ATP11C: variants seen among roughly 807,000 people sequenced by gnomAD.
ATP11C encodes the protein phospholipid-transporting ATPase IG.
ATP11C carries 36 observed loss-of-function variants against 97.4 expected under a neutral mutation model. The observed-to-expected ratio is 0.37, with a 90% CI of 0.28 to 0.49. The LOEUF is 0.49. Among genes scored for constraint, ATP11C ranks in the 20% least tolerant of loss-of-function variants. The pLI, the probability that ATP11C is intolerant of heterozygous loss-of-function variation, is 0.98. For missense variants in ATP11C, 730 were observed against 824.6 expected, an observed-to-expected ratio of 0.89 and a Z score of 1.40; for synonymous variants, 275 against 290.9, an observed-to-expected ratio of 0.95 and a Z score of 0.56.
intron 1 of ATP11C, among the ~76,000 whole-genome samples, chrX:139,882,285 A>G (rs1025539204): frequency 1.8e-5 from 2 of 112,075 alleles, no homozygotes; most frequent in African/African-American, 6.5e-5. Flanking sequence ...TTTTGGAAGA[A>G]AAAACATTTA....
chrX:139,874,449 A>T (rs1025697647), intron 1 of ATP11C, among the ~76,000 whole-genome samples: 1 of 110,820 alleles, frequency 9.0e-6, no homozygotes, highest in East Asian at 2.8e-4. Context: ...AATAAACGTT[A>T]GCTATTATTA....
intron 20 of ATP11C, among the ~76,000 whole-genome samples, chrX:139,765,971 A>G (rs1211246392): frequency 8.9e-6 from 1 of 112,314 alleles, no homozygotes; most frequent in Admixed American, 9.4e-5. Flanking sequence ...AAGGCAACAC[A>G]GGTTTCAAGG....
chrX:139,741,936 T>C (rs2081564052), intron 26 of ATP11C, among the ~76,000 whole-genome samples: 1 of 112,010 alleles, frequency 8.9e-6, no homozygotes, highest in African/African-American at 3.2e-5. Context: ...CTCTCTGTTA[T>C]AGTTTCTCAT....
At chrX:139,775,955 A>T (rs1242651414) in intron 18 of ATP11C, among the ~76,000 whole-genome samples, 1 of 112,762 alleles carries the variant, frequency 8.9e-6, no homozygotes, top group African/African-American at 3.2e-5. Context: ...GCTCATGGGG[A>T]TCAGTGAGTC....
At chrX:139,896,546 T>TACACACACACAC (rs61153084) in intron 1 of ATP11C, among the ~76,000 whole-genome samples, 3 of 79,809 alleles carry the variant, frequency 3.8e-5, no homozygotes, top group East Asian at 4.4e-4. Context: ...GTTAATTTTA[T>TACACACACACAC]ACACACACAC....
At chrX:139,819,064 G>A (rs780488380) in intron 3 of ATP11C, among the ~76,000 whole-genome samples, 27 of 111,639 alleles carry the variant, frequency 2.4e-4, no homozygotes, top group African/African-American at 8.1e-4. Flanking sequence ...CACAATACAC[G>A]TCATCCTGGG....
chrX:139,889,870 G>A (rs370457525), intron 1 of ATP11C, among the ~76,000 whole-genome samples: 2 of 111,859 alleles, frequency 1.8e-5, no homozygotes, highest in African/African-American at 6.5e-5. Context: ...ATTCAAAACA[G>A]GCTGACAACA....
Position 139,932,162 on chromosome X carries a change from C to T in ATP11C, c.-120G>A. The T allele has an allele frequency of 1.6e-6, 1 of 628,604 alleles. No individual in the cohort carries two copies. The highest frequency in any genetic ancestry group is 2.0e-6 in the Non-Finnish European group (1 of 492,768). 51.8% of individuals were successfully genotyped at this position (628,604 alleles called of 1,213,427 possible). On this transcript the variant is annotated 5_prime_UTR_variant, in exon 1 of 30. Coordinates refer to ENST00000682941, the MANE Select transcript of ATP11C (RefSeq NM_001353812.2). Reference sequence around the variant, plus strand: ...CAAGCGGAGCAGCGAGGCGGGCGGCCGGGCCACCCGCTCGCCGCCTGCCCC... The same window carrying T: ...CAAGCGGAGCAGCGAGGCGGGCGGCTGGGCCACCCGCTCGCCGCCTGCCCC...
intron 24 of ATP11C, among the ~76,000 whole-genome samples, 188 bp from the exon 25 acceptor site, chrX:139,746,045 C>A (rs970948234): frequency 2.7e-5 from 3 of 112,006 alleles, no homozygotes; most frequent in Non-Finnish European, 5.6e-5. Context: ...TCTCCTGACT[C>A]AGCCACTGGA....
Position 139,814,986 on chromosome X carries a change from C to A in ATP11C, c.319-1G>T. 9.5e-7 allele frequency: 1 copy of A among 1,052,574 alleles called. No individual in the cohort carries two copies. Among genetic ancestry groups the A allele is most frequent in the Non-Finnish European group, 1.3e-6 (1 of 774,893 alleles). The allele number at this position is 1,052,574 out of a possible 1,213,427, so 86.7% of individuals were successfully genotyped here. A position where few individuals can be genotyped will look rare whatever the true frequency, so the allele number is the denominator to read the frequency against. ...TGTGTCTCAGACAATCCTCATATCC[C>A]TGAAAGATAAAAATAACTATATAAT... On this transcript the variant is annotated splice_acceptor_variant, in intron 4 of 29. Coordinates refer to ENST00000682941, the MANE Select transcript of ATP11C (RefSeq NM_001353812.2). LOFTEE classifies it high-confidence loss of function.
intron 1 of ATP11C, among the ~76,000 whole-genome samples, chrX:139,833,520 C>T (rs2083694749): frequency 3.7e-5 from 4 of 109,359 alleles, no homozygotes; most frequent in South Asian, 4.0e-4. Flanking sequence ...CCTGTCTCTA[C>T]GAAAAAAAAA....
intron 1 of ATP11C, among the ~76,000 whole-genome samples, chrX:139,878,058 T>TA (rs927291638): frequency 1.5e-4 from 17 of 111,124 alleles, no homozygotes; most frequent in African/African-American, 5.2e-4. Flanking sequence ...AAATAATGGC[T>TA]AAAAAAAATG....
upstream of ATP11C, among the ~76,000 whole-genome samples, chrX:139,934,793 C>T (rs2085508466): frequency 9.0e-6 from 1 of 111,011 alleles, no homozygotes; most frequent in Non-Finnish European, 1.9e-5. Flanking sequence ...AGGTGATCCA[C>T]CCGCCTCGGC....
chrX:139,859,617 C>T (rs1462482908), intron 1 of ATP11C, among the ~76,000 whole-genome samples: 3 of 112,008 alleles, frequency 2.7e-5, no homozygotes, highest in Admixed American at 9.5e-5. Flanking sequence ...AGAAGGCAGA[C>T]ATATTCAACC....
chrX:139,796,217 C>T, intron 12 of ATP11C, 56 bp downstream of exon 12: 2 of 956,356 alleles, frequency 2.1e-6, no homozygotes, highest in Non-Finnish European at 1.4e-6. Flanking sequence ...CCAGACTACA[C>T]AAAAAGATAT....
chrX:139,932,213 C>A lies in ATP11C; in HGVS notation c.-171G>T. On this transcript the variant is annotated 5_prime_UTR_variant, in exon 1 of 30. Transcript: ENST00000682941. ...CCTCGGCTCTCCGCGCTCCCCCGCC[C>A]CCCAGCCGCCCGCAGCCTAGCCGCC... 1 of 224,111 alleles carries A rather than the reference C, an allele frequency of 4.5e-6. No individual in the cohort carries two copies. The highest frequency in any genetic ancestry group is 6.5e-6 in the Non-Finnish European group (1 of 152,928). The allele number at this position is 224,111 out of a possible 1,213,427, so 18.5% of individuals were successfully genotyped here.
intron 24 of ATP11C, among the ~76,000 whole-genome samples, chrX:139,749,386 A>T (rs745852952): frequency 8.9e-6 from 1 of 112,190 alleles, no homozygotes; most frequent in Admixed American, 9.4e-5. Context: ...AATGCTTACA[A>T]TCTGCTATAA....
At chrX:139,753,875 A>C (rs1320713527) in intron 23 of ATP11C, among the ~76,000 whole-genome samples, 1 of 111,004 alleles carries the variant, frequency 9.0e-6, no homozygotes, top group Non-Finnish European at 1.9e-5. Flanking sequence ...AGAAGTTAGA[A>C]AGAGGTCAAA....
upstream of ATP11C, among the ~76,000 whole-genome samples, chrX:139,933,428 C>T (rs1042387448): frequency 8.9e-6 from 1 of 112,215 alleles, no homozygotes; most frequent in African/African-American, 3.2e-5. Flanking sequence ...CCTCTACACC[C>T]TCGGCCCCCA....
Sources: allele counts gnomAD v4.1 joint callset (sites outside exome capture counted in the v4.1 genomes callset), GRCh38; gene constraint gnomAD v4.1.1; transcripts MANE v1.5; gene names NCBI Gene and HGNC (gene_info 2026-07-23, HGNC 2026-07-21).